Variants in PSPC1 observed in about 807,000 individuals in gnomAD.
PSPC1 encodes paraspeckle component 1.
PSPC1 carries 14 observed loss-of-function variants against 51.6 expected under a neutral mutation model. That is an observed-to-expected ratio of 0.27 (90% CI 0.18 to 0.42). The LOEUF is 0.42. Ranked by LOEUF, PSPC1 falls within the 10% of genes least tolerant of loss-of-function variation. PSPC1 has a pLI of 1.00. For synonymous variants in PSPC1, 193 were observed against 231.9 expected, an observed-to-expected ratio of 0.83 and a Z score of 1.53; for missense variants, 406 against 701.1, an observed-to-expected ratio of 0.58 and a Z score of 4.75.
Position 19,751,253 on chromosome 13 carries a change from A to C in PSPC1, c.967+18T>G. 1.3e-6 allele frequency: 2 copies of C among 1,508,260 alleles called. No individual in the cohort carries two copies. Among genetic ancestry groups the C allele is most frequent in the Admixed American group, 2.4e-5 (1 of 41,804 alleles). 93.4% of individuals were successfully genotyped at this position (1,508,260 alleles called of 1,614,324 possible). ...AAAAAAAAAATCATACCACATGTAC[A>C]TGAAAATCCATATTTACCTTGCCTC... is the stretch of plus-strand genomic sequence containing the variant. On this transcript the variant is annotated intron_variant, in intron 4 of 8. Coordinates refer to ENST00000338910, the MANE Select transcript of PSPC1 (RefSeq NM_001354909.2).
At chr13:19,762,896 A>T (rs1400707047) in intron 2 of PSPC1, among the ~76,000 whole-genome samples, 2 of 152,112 alleles carry the variant, frequency 1.3e-5, no homozygotes, top group Admixed American at 6.6e-5. Context: ...TGGATCACTC[A>T]GGAGTTTGAG....
intron 5 of PSPC1, among the ~76,000 whole-genome samples, chr13:19,739,981 C>T (rs541750087): frequency 2.5e-4 from 38 of 152,036 alleles, no homozygotes; most frequent in African/African-American, 9.2e-4. Flanking sequence ...TGCAGGGAGG[C>T]TTGAGACTAC....
chr13:19,715,321 G>C (rs951694888), intron 6 of PSPC1, among the ~76,000 whole-genome samples: 1 of 152,152 alleles, frequency 6.6e-6, no homozygotes, highest in African/African-American at 2.4e-5. Flanking sequence ...ACTAAGTAAG[G>C]TAAATTAACC....
chr13:19,759,222 T>A (rs1887381687), intron 3 of PSPC1, 101 bp downstream of exon 3: 2 of 890,842 alleles, frequency 2.2e-6, no homozygotes, highest in Non-Finnish European at 3.6e-6. Flanking sequence ...TTACCCAGAT[T>A]ATATAAATAA....
At chr13:19,704,305 G>A (rs2137730915) in intron 8 of PSPC1, among the ~76,000 whole-genome samples, 1 of 152,182 alleles carries the variant, frequency 6.6e-6, no homozygotes, top group Non-Finnish European at 1.5e-5. Context: ...TAGTAGCCGT[G>A]CACTGCCTCA....
intron 5 of PSPC1, among the ~76,000 whole-genome samples, chr13:19,740,578 A>G (rs1241231288): frequency 6.6e-6 from 1 of 152,136 alleles, no homozygotes; most frequent in Non-Finnish European, 1.5e-5. Flanking sequence ...AGCAAATACT[A>G]TTTTCAAAAA....
chr13:19,686,897 G>A (rs909479719), intron 6 of PSPC1, among the ~76,000 whole-genome samples: 24 of 152,098 alleles, frequency 1.6e-4, no homozygotes, highest in Admixed American at 1.4e-3. Context: ...GACCAAGTAT[G>A]AATATAGCCA....
chr13:19,681,288 T>C (rs551307305), intron 6 of PSPC1, among the ~76,000 whole-genome samples: 1 of 152,286 alleles, frequency 6.6e-6, no homozygotes, highest in East Asian at 1.9e-4. Flanking sequence ...TGGTAAACTA[T>C]GTGATAATGG....
At chr13:19,713,152 T>A (rs910889522) in intron 6 of PSPC1, among the ~76,000 whole-genome samples, 2 of 152,172 alleles carry the variant, frequency 1.3e-5, no homozygotes, top group Admixed American at 1.3e-4. Flanking sequence ...CAAATTAGAA[T>A]TTAAGTTAGA....
chr13:19,749,613 T>C (rs1182585583), intron 4 of PSPC1, among the ~76,000 whole-genome samples: 2 of 149,862 alleles, frequency 1.3e-5, no homozygotes, highest in African/African-American at 4.9e-5. Flanking sequence ...TTGCACATTT[T>C]CCACAAAATA....
downstream of PSPC1, chr13:19,673,494 T>C (rs375365361): frequency 2.0e-4 from 36 of 184,076 alleles, 1 homozygote; most frequent in East Asian, 3.1e-3. Flanking sequence ...ACAGTAGATA[T>C]TTGTGGTTTT....
At chr13:19,771,689 C>T (rs924124270) in intron 2 of PSPC1, among the ~76,000 whole-genome samples, 1 of 151,530 alleles carries the variant, frequency 6.6e-6, no homozygotes, top group Non-Finnish European at 1.5e-5. Context: ...GGCATGATCT[C>T]GGCTCACTGC....
intron 3 of PSPC1, among the ~76,000 whole-genome samples, chr13:19,752,397 GAA>G (rs1448687889): frequency 1.3e-5 from 2 of 151,860 alleles, no homozygotes; most frequent in Non-Finnish European, 2.9e-5. Context: ...GAATATATTT[GAA>G]AGTCTTCATT....
intron 1 of PSPC1, among the ~76,000 whole-genome samples, chr13:19,781,242 ATC>A (rs1889940513): frequency 6.6e-6 from 1 of 150,976 alleles, no homozygotes; most frequent in Non-Finnish European, 1.5e-5. Context: ...CAGTGACGTG[ATC>A]TCAGCTCACT....
At chr13:19,728,439 A>AACACAC (rs56662113) in intron 6 of PSPC1, among the ~76,000 whole-genome samples, 4,178 of 144,258 alleles carry the variant, frequency 0.029, 89 homozygotes, top group African/African-American at 0.051. Flanking sequence ...TCAAAGCTTA[A>AACACAC]ACACACACAC....
At chr13:19,729,400 G>C (rs1284165861) in intron 6 of PSPC1, among the ~76,000 whole-genome samples, 2 of 151,898 alleles carry the variant, frequency 1.3e-5, no homozygotes, top group Non-Finnish European at 2.9e-5. Context: ...AGCCAGGTGT[G>C]GTGGTGCGCA....
intron 2 of PSPC1, among the ~76,000 whole-genome samples, chr13:19,759,907 G>C (rs1887451486): frequency 6.6e-6 from 1 of 150,466 alleles, no homozygotes; most frequent in African/African-American, 2.4e-5. Flanking sequence ...GAGTCAGAGA[G>C]AGGTGAATGT....
chr13:19,677,103 GGC>G (rs1462892883), intron 7 of PSPC1, among the ~76,000 whole-genome samples: 1 of 151,952 alleles, frequency 6.6e-6, no homozygotes, highest in Non-Finnish European at 1.5e-5. Context: ...CATGGTGGCA[GGC>G]GCCTGTGGTC....
At chr13:19,781,762 G>A (rs753864410) in intron 1 of PSPC1, among the ~76,000 whole-genome samples, 3 of 152,128 alleles carry the variant, frequency 2.0e-5, no homozygotes, top group Non-Finnish European at 4.4e-5. Context: ...GCAACATAGC[G>A]AGACCCCATT....
Sources: gnomAD v4.1 joint callset for allele counts (sites outside exome capture counted in the v4.1 genomes callset) on GRCh38, gnomAD v4.1.1 for gene constraint, MANE v1.5 for transcripts, NCBI Gene and HGNC (gene_info 2026-07-23, HGNC 2026-07-21) for gene names.